RAB38: variants seen among roughly 807,000 people sequenced by gnomAD.
RAB38 encodes RAB38, member RAS oncogene family, also known as ras-related protein Rab-38.
In RAB38, 15 loss-of-function variants were observed where a neutral mutation model predicts 18.4. The ratio of observed to expected loss-of-function variants is 0.82; its 90% CI spans 0.55 to 1.26. The LOEUF (loss-of-function observed/expected upper bound fraction) is 1.26, where lower values mean the gene tolerates loss of function less well. Among genes scored for constraint, RAB38 ranks in the 50% most tolerant of loss-of-function variants. The pLI is 0.00. For missense variants in RAB38, 294 were observed against 267.4 expected (o/e 1.10, Z -0.69); for synonymous variants, 101 against 104.4 (o/e 0.97, Z 0.20).
At chr11:87,852,959 A>G in the RAB38 span, among the ~76,000 whole-genome samples, 2 of 144,886 alleles carry the variant, frequency 1.4e-5, no homozygotes, top group East Asian at 3.9e-4. Context: ...CTTGCATATG[A>G]CTAAGCAAGA....
the RAB38 span, among the ~76,000 whole-genome samples, chr11:88,100,980 G>A: frequency 6.6e-6 from 1 of 152,074 alleles, no homozygotes; most frequent in East Asian, 1.9e-4. Flanking sequence ...GGAGGAAAGA[G>A]GAGACTAAAA....
the RAB38 span, among the ~76,000 whole-genome samples, chr11:87,967,705 G>A: frequency 0.076 from 11,573 of 152,206 alleles, 659 homozygotes; most frequent in African/African-American, 0.14. Flanking sequence ...CTATCAAGCA[G>A]TCCTCTCCAA....
intron 1 of RAB38, among the ~76,000 whole-genome samples, chr11:88,165,419 T>C (rs1020863182): frequency 6.6e-6 from 1 of 152,146 alleles, no homozygotes. Flanking sequence ...TTATGAGCTG[T>C]AAATAAAATA....
the RAB38 span, among the ~76,000 whole-genome samples, chr11:87,955,960 G>GA: frequency 6.6e-6 from 1 of 151,716 alleles, no homozygotes; most frequent in African/African-American, 2.4e-5. Context: ...TGTCAAAAGA[G>GA]AAAATGCAAT....
At chr11:88,026,792 G>A in the RAB38 span, among the ~76,000 whole-genome samples, 1 of 152,020 alleles carries the variant, frequency 6.6e-6, no homozygotes, top group South Asian at 2.1e-4. Flanking sequence ...TTGATTCAGA[G>A]AAATCATTAA....
At chr11:88,157,014 T>C (rs1368095182) in intron 1 of RAB38, among the ~76,000 whole-genome samples, 1 of 152,142 alleles carries the variant, frequency 6.6e-6, no homozygotes, top group Non-Finnish European at 1.5e-5. Context: ...TGAATGTAAA[T>C]GGTCTAAGCT....
chr11:88,175,096 C>T (rs1201983180), intron 1 of RAB38, 87 bp downstream of exon 1: 1 of 1,394,794 alleles, frequency 7.2e-7, no homozygotes, highest in Non-Finnish European at 9.5e-7. Context: ...TGATTTTAAT[C>T]TCACGCTTGG....
chr11:88,070,106 C>T, the RAB38 span, among the ~76,000 whole-genome samples: 17 of 152,286 alleles, frequency 1.1e-4, no homozygotes, highest in Admixed American at 2.6e-4. Context: ...TGCAATAAAT[C>T]TTGCTGCTGC....
chr11:87,928,114 G>C, the RAB38 span, among the ~76,000 whole-genome samples: 2 of 151,866 alleles, frequency 1.3e-5, no homozygotes, highest in East Asian at 3.9e-4. Context: ...AAGAAAGAAA[G>C]AAAGAAGGAA....
chr11:87,958,057 A>T, the RAB38 span, among the ~76,000 whole-genome samples: 13 of 152,040 alleles, frequency 8.6e-5, no homozygotes, highest in African/African-American at 3.1e-4. Context: ...TTCTGTAAAA[A>T]CTGTACTTCA....
At chr11:88,075,992 A>T in the RAB38 span, among the ~76,000 whole-genome samples, 32 of 151,964 alleles carry the variant, frequency 2.1e-4, no homozygotes, top group Non-Finnish European at 2.4e-4. Flanking sequence ...AAGGAATGAA[A>T]TAGTAAATAT....
the RAB38 span, among the ~76,000 whole-genome samples, chr11:87,887,407 T>TC: frequency 3.3e-5 from 5 of 151,550 alleles, no homozygotes; most frequent in Non-Finnish European, 7.4e-5. Context: ...TAGCATATGC[T>TC]CCGCAGAGTG....
At chr11:87,838,041 A>C in the RAB38 span, among the ~76,000 whole-genome samples, 1 of 152,180 alleles carries the variant, frequency 6.6e-6, no homozygotes, top group South Asian at 2.1e-4. Context: ...AATGTTGCTT[A>C]ATACCTTGTG....
At chr11:87,893,286 T>TTG in the RAB38 span, among the ~76,000 whole-genome samples, 111,953 of 138,998 alleles carry the variant, frequency 0.81, 45,000 homozygotes, top group African/African-American at 0.87. Flanking sequence ...TTTCCAGATT[T>TTG]TGTGTGTGTG....
At chr11:88,010,331 C>G in the RAB38 span, among the ~76,000 whole-genome samples, 1 of 152,018 alleles carries the variant, frequency 6.6e-6, no homozygotes, top group Non-Finnish European at 1.5e-5. Flanking sequence ...AGCTCAAGTT[C>G]TATAAGAGAG....
At position 88,125,645 on chromosome 11, in the gene RAB38, T is replaced by G. The variant is rs1279182087; in HGVS notation, c.484-11505A>C. Reference sequence around the variant, plus strand: ...TTGTCAGATAAGTAGATTGCAAAAATTGTCTCCCATTCTGTACGTTGCCTG... The same window carrying G: ...TTGTCAGATAAGTAGATTGCAAAAAGTGTCTCCCATTCTGTACGTTGCCTG... On this transcript the variant is annotated intron_variant, in intron 2 of 2. Coordinates refer to ENST00000243662, the MANE Select transcript of RAB38 (RefSeq NM_022337.3). Among the ~76,000 whole-genome samples the G allele has an allele frequency of 3.9e-5, 6 of 152,348 alleles. No homozygotes were observed. In the East Asian group the frequency reaches 1.2e-3, roughly 29 times the overall value.
At chr11:87,836,387 G>A in the RAB38 span, among the ~76,000 whole-genome samples, 3 of 151,472 alleles carry the variant, frequency 2.0e-5, no homozygotes, top group African/African-American at 7.3e-5. Flanking sequence ...AGAAACCTGA[G>A]TATTTTTTTT....
chr11:88,151,722 T>C (rs573246307), intron 1 of RAB38, among the ~76,000 whole-genome samples: 3 of 152,222 alleles, frequency 2.0e-5, no homozygotes, highest in South Asian at 2.1e-4. Flanking sequence ...TAAGTTTTAA[T>C]TCAAGTTAGC....
chr11:87,932,232 G>A, the RAB38 span, among the ~76,000 whole-genome samples: 2 of 152,026 alleles, frequency 1.3e-5, no homozygotes, highest in South Asian at 4.1e-4. Context: ...CATGGCACAT[G>A]TATACCTATG....
Sources: gnomAD v4.1 joint callset for allele counts (sites outside exome capture counted in the v4.1 genomes callset) on GRCh38, gnomAD v4.1.1 for gene constraint, MANE v1.5 for transcripts, NCBI Gene and HGNC (gene_info 2026-07-23, HGNC 2026-07-21) for gene names.